TNIK: variants seen among roughly 807,000 people sequenced by gnomAD.
TNIK encodes the protein TRAF2 and NCK-interacting protein kinase.
In TNIK, 49 loss-of-function variants were observed where a neutral mutation model predicts 191.3. That is an observed-to-expected ratio of 0.26 (90% confidence interval 0.20 to 0.32). The LOEUF (loss-of-function observed/expected upper bound fraction) is 0.32, where lower values mean the gene tolerates loss of function less well. TNIK is among the 10% of genes least tolerant of loss of function. The pLI is 1.00. For synonymous variants in TNIK, 594 were observed against 600.9 expected, an observed-to-expected ratio of 0.99 and a Z score of 0.17; for missense variants, 1,155 against 1,702.3, an observed-to-expected ratio of 0.68 and a Z score of 5.66.
intron 1 of TNIK, among the ~76,000 whole-genome samples, chr3:171,382,216 A>ATTT (rs1718124151): frequency 7.5e-5 from 7 of 93,596 alleles, no homozygotes; most frequent in Admixed American, 3.1e-4. Context: ...TGTTGAATAC[A>ATTT]TCTTTTTTTT....
At chr3:171,310,428 G>A (rs1159861298) in intron 2 of TNIK, among the ~76,000 whole-genome samples, 13 of 152,076 alleles carry the variant, frequency 8.5e-5, no homozygotes. Flanking sequence ...CCTAAAACTA[G>A]CACAGAAAAG....
intron 1 of TNIK, among the ~76,000 whole-genome samples, chr3:171,440,227 A>C (rs903024775): frequency 4.6e-5 from 7 of 152,168 alleles, no homozygotes; most frequent in African/African-American, 1.7e-4. Flanking sequence ...CCAGCAACTC[A>C]TTCCTCCTTG....
intron 2 of TNIK, among the ~76,000 whole-genome samples, chr3:171,275,274 T>G (rs951381820): frequency 6.6e-6 from 1 of 152,192 alleles, no homozygotes; most frequent in African/African-American, 2.4e-5. Flanking sequence ...ATGGCTTCAC[T>G]CTTAATTATG....
At chr3:171,228,583 G>C (rs1034489449) in intron 2 of TNIK, among the ~76,000 whole-genome samples, 3 of 152,158 alleles carry the variant, frequency 2.0e-5, no homozygotes, top group Non-Finnish European at 2.9e-5. Flanking sequence ...GAAAACACTC[G>C]GTAGATGAAG....
intron 7 of TNIK, among the ~76,000 whole-genome samples, chr3:171,179,056 G>C (rs1363697810): frequency 1.3e-5 from 2 of 152,174 alleles, no homozygotes; most frequent in South Asian, 4.2e-4. Flanking sequence ...CCTGAGAGCA[G>C]GTGGCTGGGG....
intron 2 of TNIK, among the ~76,000 whole-genome samples, chr3:171,291,712 T>C (rs1284761630): frequency 6.6e-6 from 1 of 152,238 alleles, no homozygotes; most frequent in Non-Finnish European, 1.5e-5. Context: ...TGCTTTGGTG[T>C]GACATTTTTG....
At chr3:171,175,865 TTTTCAGG>T (rs1735895455) in intron 8 of TNIK, among the ~76,000 whole-genome samples, 1 of 152,184 alleles carries the variant, frequency 6.6e-6, no homozygotes, top group Admixed American at 6.5e-5. Flanking sequence ...CCCGAATGGC[TTTTCAGG>T]TTTCGTAACG....
At chr3:171,270,127 TA>T (rs999320664) in intron 2 of TNIK, among the ~76,000 whole-genome samples, 1 of 152,140 alleles carries the variant, frequency 6.6e-6, no homozygotes, top group African/African-American at 2.4e-5. Context: ...GATAATTATT[TA>T]TCCTTAGTTA....
At chr3:171,084,049 A>C in intron 26 of TNIK, 106 bp downstream of exon 26, 1 of 1,376,412 alleles carries the variant, frequency 7.3e-7, no homozygotes, top group Non-Finnish European at 9.5e-7. Context: ...CCCAGGATTC[A>C]ACCAGTGTTC....
At chr3:171,444,005 T>C (rs1487881636) in intron 1 of TNIK, among the ~76,000 whole-genome samples, 2 of 152,196 alleles carry the variant, frequency 1.3e-5, no homozygotes, top group East Asian at 1.9e-4. Context: ...CGGTTTTTCC[T>C]TCAAAATAGT....
intron 9 of TNIK, among the ~76,000 whole-genome samples, chr3:171,171,921 T>A (rs1430343116): frequency 2.0e-5 from 3 of 152,144 alleles, no homozygotes; most frequent in Non-Finnish European, 1.5e-5. Flanking sequence ...GTTACAACCC[T>A]CCCAGACAAC....
chr3:171,106,783 A>C (rs1319210422), intron 21 of TNIK: 1 of 533,752 alleles, frequency 1.9e-6, no homozygotes, highest in South Asian at 1.4e-5. Context: ...TTCACAAATC[A>C]CACACTCTAA....
At chr3:171,437,526 T>G (rs1208211366) in intron 1 of TNIK, among the ~76,000 whole-genome samples, 1 of 139,744 alleles carries the variant, frequency 7.2e-6, no homozygotes, top group Non-Finnish European at 1.5e-5. Flanking sequence ...AGCTAATACA[T>G]GCAACTGCTT....
intron 28 of TNIK, among the ~76,000 whole-genome samples, chr3:171,076,453 A>G (rs1719947964): frequency 6.6e-6 from 1 of 152,292 alleles, no homozygotes; most frequent in Admixed American, 6.5e-5. Context: ...GATTGGACCC[A>G]CTTGACTGGT....
intron 2 of TNIK, among the ~76,000 whole-genome samples, chr3:171,286,962 G>A (rs948097244): frequency 5.3e-5 from 8 of 152,082 alleles, no homozygotes; most frequent in African/African-American, 1.4e-4. Context: ...TTTTTATGGC[G>A]TACTGTTGGT....
At chr3:171,254,918 T>C (rs1746663653) in intron 2 of TNIK, among the ~76,000 whole-genome samples, 1 of 152,212 alleles carries the variant, frequency 6.6e-6, no homozygotes, top group Non-Finnish European at 1.5e-5. Flanking sequence ...ATTTGGAGTA[T>C]GGTAATGGCT....
At chr3:171,087,540 A>AG (rs755722739) in intron 23 of TNIK, 34 bp from the exon 24 acceptor site, 31 of 1,604,820 alleles carry the variant, frequency 1.9e-5, no homozygotes, top group Non-Finnish European at 2.5e-5. Flanking sequence ...GGAGTTAGAG[A>AG]GGGGGGAAAA....
At chr3:171,233,446 G>A (rs905056633) in intron 2 of TNIK, among the ~76,000 whole-genome samples, 2 of 152,044 alleles carry the variant, frequency 1.3e-5, no homozygotes, top group African/African-American at 2.4e-5. Context: ...CTGTCTGTCT[G>A]TCTATCTATC....
intron 2 of TNIK, among the ~76,000 whole-genome samples, chr3:171,315,471 G>A (rs1198982517): frequency 2.6e-5 from 4 of 152,216 alleles, no homozygotes; most frequent in Admixed American, 2.0e-4. Context: ...CATTAAATTA[G>A]TTCTCATGAA....
Sources: allele counts gnomAD v4.1 joint callset (sites outside exome capture counted in the v4.1 genomes callset), GRCh38; gene constraint gnomAD v4.1.1; transcripts MANE v1.5; gene names NCBI Gene and HGNC (gene_info 2026-07-23, HGNC 2026-07-21).